Variants in LARP1 observed in about 807,000 individuals in gnomAD.
The protein encoded by LARP1 is La ribonucleoprotein 1, translational regulator, also known as la-related protein 1.
Under a neutral mutation model 122.7 loss-of-function variants are expected in LARP1, and 36 were observed. That is an observed-to-expected ratio of 0.29 (90% CI 0.22 to 0.39). The LOEUF (loss-of-function observed/expected upper bound fraction) is 0.39, where lower values mean the gene tolerates loss of function less well. Among genes scored for constraint, LARP1 ranks in the 10% least tolerant of loss-of-function variants. LARP1 has a pLI of 1.00. For missense variants in LARP1, 1,040 were observed against 1,403.6 expected (o/e 0.74, Z 4.14); for synonymous variants, 539 against 528.7 (o/e 1.02, Z -0.27).
At chr5:154,771,861 G>T (rs1024440600) in intron 1 of LARP1, among the ~76,000 whole-genome samples, 1 of 152,202 alleles carries the variant, frequency 6.6e-6, no homozygotes, top group Non-Finnish European at 1.5e-5. Context: ...GGAAAGGTTG[G>T]GGGTGGGGTT....
At chr5:154,804,885 A>G in intron 14 of LARP1, 1 of 456,278 alleles carries the variant, frequency 2.2e-6, no homozygotes, top group Non-Finnish European at 4.4e-6. Flanking sequence ...GCAAATAGGC[A>G]TGCTTTTGAA....
chr5:154,752,749 G>A (rs1753567546), upstream of LARP1, among the ~76,000 whole-genome samples: 1 of 151,696 alleles, frequency 6.6e-6, no homozygotes, highest in African/African-American at 2.4e-5. Context: ...GACTAGCCTG[G>A]CCATTATGGT....
intron 1 of LARP1, among the ~76,000 whole-genome samples, chr5:154,765,477 A>G (rs1315779261): frequency 1.3e-5 from 2 of 152,088 alleles, no homozygotes; most frequent in African/African-American, 2.4e-5. Flanking sequence ...TGCAGACTCA[A>G]CCTCCCAGGC....
At position 154,796,297 on chromosome 5, in the gene LARP1, A is replaced by G. The variant is rs183728066; in HGVS notation, c.1377+978A>G. The stretch of plus-strand genomic sequence containing the variant: ...ACTTTGGGAGGCCAAGGGGAGGGTC[A>G]TGTGAGCCCAGGAGTTCAAGATTAG... On this transcript the variant is annotated intron_variant, in intron 8 of 18. Coordinates refer to ENST00000518297, the MANE Select transcript of LARP1 (RefSeq NM_033551.3). 2.6e-4 allele frequency among the ~76,000 whole-genome samples: 39 copies of G among 149,572 alleles called. No individual in the cohort carries two copies. In the East Asian group the frequency reaches 7.4e-3, roughly 28 times the overall value.
intron 1 of LARP1, among the ~76,000 whole-genome samples, chr5:154,686,122 G>A (rs756091221): frequency 1.3e-5 from 2 of 152,136 alleles, no homozygotes; most frequent in Non-Finnish European, 2.9e-5. Context: ...TGCTTAGTAC[G>A]GTTCCTGCAC....
chr5:154,789,117 A>G (rs970617471), intron 1 of LARP1, among the ~76,000 whole-genome samples: 5 of 151,168 alleles, frequency 3.3e-5, no homozygotes. Context: ...AGGCTGAGGC[A>G]GGAGAATCAC....
At chr5:154,704,720 G>C (rs1561535557) in intron 1 of LARP1, among the ~76,000 whole-genome samples, 1 of 150,650 alleles carries the variant, frequency 6.6e-6, no homozygotes, top group Admixed American at 6.6e-5. Flanking sequence ...TACAGAACAG[G>C]AGAAACTATT....
intron 1 of LARP1, among the ~76,000 whole-genome samples, chr5:154,767,931 G>T (rs528847735): frequency 2.0e-5 from 3 of 152,274 alleles, no homozygotes; most frequent in African/African-American, 4.8e-5. Context: ...GGAAGAATTG[G>T]CTCACTGGGC....
chr5:154,731,930 G>A (rs1474095030), intron 1 of LARP1, among the ~76,000 whole-genome samples: 1 of 151,878 alleles, frequency 6.6e-6, no homozygotes, highest in Non-Finnish European at 1.5e-5. Flanking sequence ...GCTGAGGCAG[G>A]AGAATTGCTT....
At chr5:154,686,140 G>C (rs77793104) in intron 1 of LARP1, among the ~76,000 whole-genome samples, 84 of 152,314 alleles carry the variant, frequency 5.5e-4, no homozygotes, top group African/African-American at 1.9e-3. Context: ...CACCATAGCA[G>C]GTGCTCCACA....
chr5:154,768,729 G>A (rs553439637), intron 1 of LARP1, among the ~76,000 whole-genome samples: 79 of 152,028 alleles, frequency 5.2e-4, no homozygotes, highest in African/African-American at 1.6e-3. Flanking sequence ...CTACAGGCAC[G>A]CGCCACCATG....
intron 1 of LARP1, among the ~76,000 whole-genome samples, chr5:154,713,333 A>G (rs750333080): frequency 6.6e-6 from 1 of 152,080 alleles, no homozygotes; most frequent in East Asian, 1.9e-4. Context: ...TTCCTCTTCT[A>G]TTGTTTTCCC....
chr5:154,747,654 T>C (rs1306318620), intron 1 of LARP1, among the ~76,000 whole-genome samples: 1 of 150,830 alleles, frequency 6.6e-6, no homozygotes, highest in East Asian at 2.0e-4. Flanking sequence ...GAGCCGAGAT[T>C]GTGCCATTGC....
At chr5:154,729,436 A>G (rs958214704) in intron 1 of LARP1, 10 of 383,220 alleles carry the variant, frequency 2.6e-5, no homozygotes, top group Admixed American at 6.1e-5. Context: ...CTAGCATGCT[A>G]TTGGCCTTGT....
chr5:154,803,638 C>T lies in LARP1; in HGVS notation c.2332C>T (p.Arg778Cys), dbSNP rs769237181. Residue 778 changes from arginine to cysteine, a missense_variant, in exon 13 of 19, where the codon CGC (arginine) becomes TGC (cysteine). Physicochemically the swap from Arg to Cys is radical, Grantham distance 180. Coordinates refer to ENST00000518297, the MANE Select transcript of LARP1 (RefSeq NM_033551.3). This position sits in a 1 kb window ranked among gnomAD's most constrained non-coding sequence, Gnocchi z 4.4. ...PTTVPESPNY[R>C]NTRTPRTPRT... ...CACTGTCCCAGAGTCACCAAACTAC[C>T]GCAACACCAGGACCCCTCGCACTCC... is the stretch of plus-strand genomic sequence containing the variant. 35 of 1,613,988 alleles carry T rather than the reference C, an allele frequency of 2.2e-5. No individual in the cohort carries two copies. In the East Asian group the frequency reaches 3.3e-4, roughly 15 times the overall value.
At chr5:154,775,341 AAATT>A in intron 1 of LARP1, among the ~76,000 whole-genome samples, 1 of 152,058 alleles carries the variant, frequency 6.6e-6, no homozygotes, top group South Asian at 2.1e-4. Flanking sequence ...TCAAATACAA[AAATT>A]AGTTGGGTGT....
chr5:154,763,203 G>A (rs1200108986), intron 1 of LARP1, among the ~76,000 whole-genome samples: 1 of 151,902 alleles, frequency 6.6e-6, no homozygotes, highest in African/African-American at 2.4e-5. Flanking sequence ...TGGGATTACA[G>A]CCATGCACCA....
At chr5:154,735,767 C>T (rs1406301075) in intron 1 of LARP1, among the ~76,000 whole-genome samples, 7 of 147,928 alleles carry the variant, frequency 4.7e-5, no homozygotes, top group Non-Finnish European at 1.0e-4. Context: ...AGACAGGTTT[C>T]GCCATGTTGG....
chr5:154,756,064 G>A lies in LARP1; in HGVS notation c.307G>A (p.Gly103Arg), dbSNP rs2113545647. ...GGGCGGCGGCGAGCCAGGCGCTGGC[G>A]GAGGAGCTGCCGGAGCCGCGGGCGC... ...EEGGGEPGAG[G>R]GAAGAAGAGR... The change falls in exon 1 of 19, where the codon GGA becomes AGA. Residue 103 changes from glycine to arginine, a missense_variant. Coordinates refer to ENST00000518297, the MANE Select transcript of LARP1 (RefSeq NM_033551.3). 6 of 1,117,802 alleles carry A rather than the reference G, an allele frequency of 5.4e-6. No homozygotes were observed. In the South Asian group the frequency reaches 5.9e-5, roughly 11 times the overall value. 69.2% of individuals were successfully genotyped at this position (1,117,802 alleles called of 1,614,324 possible). A position where few individuals can be genotyped will look rare whatever the true frequency, so the allele number is the denominator to read the frequency against.
Sources: gnomAD v4.1 joint callset for allele counts (sites outside exome capture counted in the v4.1 genomes callset) on GRCh38, gnomAD v4.1.1 for gene constraint, Gnocchi (gnomAD v3.1) non-coding constraint, MANE v1.5 for transcripts, NCBI Gene and HGNC (gene_info 2026-07-23, HGNC 2026-07-21) for gene names.